The following DOCK4 variants were observed in gnomAD, a reference collection of about 807,000 sequenced individuals.
DOCK4 encodes the protein dedicator of cytokinesis 4, also known as dedicator of cytokinesis protein 4.
Under a neutral mutation model 268.1 loss-of-function variants are expected in DOCK4, and 97 were observed. That is an observed-to-expected ratio of 0.36 (90% CI 0.31 to 0.43). The LOEUF is 0.43. DOCK4 is among the 20% of genes least tolerant of loss of function. DOCK4 has a pLI of 1.00. For missense variants in DOCK4, 2,145 were observed against 2,455.7 expected (o/e 0.87, Z 2.67); for synonymous variants, 954 against 887.2 (o/e 1.08, Z -1.34).
chr7:111,976,274 T>C (rs1280587078), intron 8 of DOCK4, among the ~76,000 whole-genome samples: 3 of 2,450 alleles, frequency 1.2e-3, no homozygotes, highest in African/African-American at 3.4e-3. Context: ...GTCTATTATA[T>C]ATATATATAT....
chr7:112,170,467 A>C (rs975152036), intron 1 of DOCK4, among the ~76,000 whole-genome samples: 3 of 152,010 alleles, frequency 2.0e-5, no homozygotes, highest in African/African-American at 7.2e-5. Context: ...TCTTAAAAAA[A>C]AACCAGAAAA....
At chr7:111,856,054 A>G (rs1050211311) in intron 23 of DOCK4, among the ~76,000 whole-genome samples, 3 of 152,178 alleles carry the variant, frequency 2.0e-5, no homozygotes, top group Non-Finnish European at 2.9e-5. Context: ...GCTTGCTCTG[A>G]GCACGGGGAG....
intron 31 of DOCK4, among the ~76,000 whole-genome samples, chr7:111,789,637 A>G (rs1378369935): frequency 6.6e-6 from 1 of 152,232 alleles, no homozygotes; most frequent in Non-Finnish European, 1.5e-5. Flanking sequence ...TCTTGAAAAT[A>G]AATGTGTATA....
At chr7:111,796,706 C>A (rs1354162058) in intron 30 of DOCK4, among the ~76,000 whole-genome samples, 1 of 152,188 alleles carries the variant, frequency 6.6e-6, no homozygotes, top group Non-Finnish European at 1.5e-5. Flanking sequence ...CAATCTAGCA[C>A]GTTTCCTCTG....
At chr7:112,064,771 G>A (rs964794719) in intron 1 of DOCK4, among the ~76,000 whole-genome samples, 12 of 152,182 alleles carry the variant, frequency 7.9e-5, no homozygotes, top group Non-Finnish European at 1.6e-4. Context: ...AGGTGATTAA[G>A]TTAAAATGAG....
chr7:112,020,065 A>G (rs936450342), intron 1 of DOCK4, among the ~76,000 whole-genome samples: 1 of 152,236 alleles, frequency 6.6e-6, no homozygotes, highest in Admixed American at 6.5e-5. Flanking sequence ...GCTGTGTGAC[A>G]GATATATACA....
At chr7:111,978,245 T>C (rs545053553) in intron 7 of DOCK4, among the ~76,000 whole-genome samples, 1 of 152,288 alleles carries the variant, frequency 6.6e-6, no homozygotes, top group Admixed American at 6.5e-5. Flanking sequence ...GTTATTATTA[T>C]TTTTGAGGCA....
rs1563472589 is a variant in DOCK4, at chr7:111,765,082, G to C, written c.4020+36C>G. 3 of 1,043,724 alleles carry C rather than the reference G, an allele frequency of 2.9e-6. No individual in the cohort carries two copies. In the Admixed American group the frequency reaches 9.5e-5, roughly 33 times the overall value. The allele number at this position is 1,043,724 out of a possible 1,614,324, so 64.7% of individuals were successfully genotyped here. ...TTTCTTGATTGGGATATCTATATGAGAGCTGTGAAAGCAAATTAAATAGTA... is the reference window on the plus strand; with the variant it reads ...TTTCTTGATTGGGATATCTATATGACAGCTGTGAAAGCAAATTAAATAGTA... On this transcript the variant is annotated intron_variant, in intron 39 of 52. Coordinates refer to ENST00000428084, the MANE Select transcript of DOCK4 (RefSeq NM_001363540.2).
At chr7:112,170,396 G>A (rs1586966694) in intron 1 of DOCK4, among the ~76,000 whole-genome samples, 2 of 152,126 alleles carry the variant, frequency 1.3e-5, no homozygotes, top group Admixed American at 1.3e-4. Flanking sequence ...AGGAGGGTGA[G>A]GCTGCAGTGA....
intron 1 of DOCK4, among the ~76,000 whole-genome samples, chr7:112,186,605 A>G (rs980726239): frequency 1.3e-5 from 2 of 152,246 alleles, no homozygotes; most frequent in Non-Finnish European, 2.9e-5. Flanking sequence ...TACTGCTTAT[A>G]GTAGTCTGTA....
rs570828624 is a variant in DOCK4 at position 112,072,648 on chromosome 7, G to A, written c.38-68517C>T. On this transcript the variant is annotated intron_variant, in intron 1 of 52. Coordinates refer to ENST00000428084, the MANE Select transcript of DOCK4 (RefSeq NM_001363540.2). ...ACCAGGAATGTCAGGCAACCATCAG[G>A]TGATGGTCAGGAGGTTGTTAAACTG... Among the ~76,000 whole-genome samples, 5 of 152,298 alleles carry A rather than the reference G, an allele frequency of 3.3e-5. No homozygotes were observed. The South Asian group carries it at 8.3e-4, about 25-fold the overall frequency.
chr7:111,770,223 C>CAAAAAAAA (rs756689437), intron 36 of DOCK4, among the ~76,000 whole-genome samples: 1 of 69,538 alleles, frequency 1.4e-5, no homozygotes, highest in Non-Finnish European at 3.3e-5. Flanking sequence ...GAGTGAAGAC[C>CAAAAAAAA]AAAAAAAAAA....
chr7:111,955,668 GA>G (rs1365320272), intron 8 of DOCK4, among the ~76,000 whole-genome samples: 2 of 152,154 alleles, frequency 1.3e-5, no homozygotes, highest in African/African-American at 4.8e-5. Flanking sequence ...TTTTAGGAAA[GA>G]GTTTTTAGGA....
At chr7:112,053,952 A>G (rs940569352) in intron 1 of DOCK4, among the ~76,000 whole-genome samples, 9 of 152,006 alleles carry the variant, frequency 5.9e-5, no homozygotes, top group African/African-American at 2.2e-4. Flanking sequence ...AGCTTCTCGA[A>G]CTCCCACTGT....
chr7:111,940,343 T>A (rs1795110608), intron 10 of DOCK4, 101 bp from the exon 11 acceptor site: 1 of 1,518,890 alleles, frequency 6.6e-7, no homozygotes, highest in Non-Finnish European at 9.0e-7. Context: ...TGAAATGTAA[T>A]TGGGCAATAA....
intron 42 of DOCK4, among the ~76,000 whole-genome samples, chr7:111,754,283 A>G (rs1226614129): frequency 1.3e-5 from 2 of 152,240 alleles, no homozygotes; most frequent in Non-Finnish European, 2.9e-5. Flanking sequence ...TAATCTGCTG[A>G]ATAGAGTTCA....
chr7:111,740,778 C>A (rs1433129619), intron 47 of DOCK4, among the ~76,000 whole-genome samples: 1 of 123,202 alleles, frequency 8.1e-6, no homozygotes, highest in African/African-American at 3.1e-5. Flanking sequence ...TAAGAGGCAG[C>A]TAGTGAGTGG....
chr7:112,116,552 G>GA (rs1563100161), intron 1 of DOCK4, among the ~76,000 whole-genome samples: 5 of 152,174 alleles, frequency 3.3e-5, no homozygotes, highest in Admixed American at 2.6e-4. Flanking sequence ...AACCAGAAGA[G>GA]AAAACCTAAG....
chr7:112,101,996 C>T (rs1448359021), intron 1 of DOCK4, among the ~76,000 whole-genome samples: 1 of 152,074 alleles, frequency 6.6e-6, no homozygotes, highest in Non-Finnish European at 1.5e-5. Flanking sequence ...GCACCCGCCA[C>T]CACGCCCAGC....
Sources: gnomAD v4.1 joint callset for allele counts (sites outside exome capture counted in the v4.1 genomes callset) on GRCh38, gnomAD v4.1.1 for gene constraint, MANE v1.5 for transcripts, NCBI Gene and HGNC (gene_info 2026-07-23, HGNC 2026-07-21) for gene names.